Variants in SGCD observed in about 807,000 individuals in gnomAD.
The protein encoded by SGCD is sarcoglycan delta.
SGCD carries 18 observed loss-of-function variants against 36.6 expected under a neutral mutation model. The ratio of observed to expected loss-of-function variants is 0.49; its 90% CI spans 0.34 to 0.73. SGCD has a LOEUF of 0.73. Among genes scored for constraint, SGCD ranks in the 30% least tolerant of loss-of-function variants. The probability of loss-of-function intolerance (pLI) is 0.01; values close to 1 mark genes in which losing one functional copy is unlikely to be tolerated. For missense variants in SGCD, 387 were observed against 346.7 expected (o/e 1.12, Z -0.92); for synonymous variants, 133 against 130.6 (o/e 1.02, Z -0.12).
At chr5:156,581,643 C>G (rs536408614) in intron 4 of SGCD, among the ~76,000 whole-genome samples, 2 of 152,280 alleles carry the variant, frequency 1.3e-5, no homozygotes, top group South Asian at 4.1e-4. Flanking sequence ...TGCCCCACCC[C>G]CTGCCAGGCT....
intron 4 of SGCD, among the ~76,000 whole-genome samples, chr5:156,513,775 G>A (rs1257644187): frequency 6.6e-6 from 1 of 152,194 alleles, no homozygotes; most frequent in Non-Finnish European, 1.5e-5. Flanking sequence ...ATAAATTAAT[G>A]AGAAATGTTC....
At chr5:155,898,848 G>A (rs1007734369) in intron 1 of SGCD, among the ~76,000 whole-genome samples, 7 of 152,172 alleles carry the variant, frequency 4.6e-5, no homozygotes, top group African/African-American at 1.7e-4. Flanking sequence ...TATTAGAGAG[G>A]AAAGTGACTC....
intron 4 of SGCD, among the ~76,000 whole-genome samples, chr5:156,565,629 G>C (rs574517217): frequency 1.8e-4 from 28 of 152,168 alleles, no homozygotes; most frequent in African/African-American, 6.7e-4. Context: ...TACGTGCCAT[G>C]GTGGTTTGCT....
intron 3 of SGCD, among the ~76,000 whole-genome samples, chr5:156,309,597 G>C (rs993153672): frequency 1.5e-5 from 2 of 129,236 alleles, no homozygotes; most frequent in Admixed American, 1.8e-4. Flanking sequence ...TTAGATCTTT[G>C]AGCATTTTTT....
intron 3 of SGCD, among the ~76,000 whole-genome samples, chr5:156,269,927 C>T (rs55964605): frequency 1.3e-5 from 2 of 152,208 alleles, no homozygotes; most frequent in African/African-American, 4.8e-5. Flanking sequence ...CTTTTAGCAT[C>T]TTCATCACGA....
intron 3 of SGCD, among the ~76,000 whole-genome samples, chr5:156,282,078 ATG>A (rs1308642179): frequency 6.6e-6 from 1 of 152,110 alleles, no homozygotes; most frequent in Non-Finnish European, 1.5e-5. Context: ...TACATCTGAA[ATG>A]TTAAGTCTTG....
the SGCD span, among the ~76,000 whole-genome samples, chr5:155,856,275 A>G: frequency 0.044 from 6,765 of 152,286 alleles, 323 homozygotes; most frequent in African/African-American, 0.12. Flanking sequence ...ACAAGAGATA[A>G]AATACAGTAA....
At chr5:155,818,942 A>AT in the SGCD span, among the ~76,000 whole-genome samples, 2 of 151,532 alleles carry the variant, frequency 1.3e-5, no homozygotes, top group Non-Finnish European at 2.9e-5. Flanking sequence ...ATCCTTACAC[A>AT]TTTTTTTTCA....
intron 1 of SGCD, among the ~76,000 whole-genome samples, chr5:155,913,010 C>T (rs552067157): frequency 2.9e-4 from 44 of 152,122 alleles, no homozygotes; most frequent in African/African-American, 9.6e-4. Flanking sequence ...TGGATTTTTC[C>T]GAACTTTTGC....
At chr5:156,725,593 T>C (rs567625949) in intron 7 of SGCD, among the ~76,000 whole-genome samples, 2 of 152,274 alleles carry the variant, frequency 1.3e-5, no homozygotes, top group East Asian at 3.9e-4. Flanking sequence ...TCCTTGCTTT[T>C]GCTGGTGATA....
intron 1 of SGCD, among the ~76,000 whole-genome samples, chr5:156,041,416 C>T (rs969128938): frequency 6.6e-6 from 1 of 152,124 alleles, no homozygotes; most frequent in African/African-American, 2.4e-5. Context: ...TCCGATACTT[C>T]CGAAAGGCAG....
the SGCD span, among the ~76,000 whole-genome samples, chr5:155,815,675 G>A: frequency 0.044 from 6,694 of 152,230 alleles, 456 homozygotes; most frequent in African/African-American, 0.15. Context: ...TTAGGAGGAA[G>A]AGAGAGCAGG....
intron 1 of SGCD, among the ~76,000 whole-genome samples, chr5:155,891,844 C>G (rs1453053251): frequency 6.6e-6 from 1 of 151,996 alleles, no homozygotes; most frequent in African/African-American, 2.4e-5. Flanking sequence ...AACATGGTTT[C>G]CTTAGCTTCT....
the SGCD span, among the ~76,000 whole-genome samples, chr5:155,738,735 AGT>A: frequency 2.7e-3 from 397 of 147,268 alleles, 3 homozygotes; most frequent in East Asian, 0.012. Context: ...TGTGTGAGAG[AGT>A]GTGTGCATGT....
intron 3 of SGCD, among the ~76,000 whole-genome samples, chr5:156,302,286 T>C (rs902874622): frequency 6.6e-6 from 1 of 152,034 alleles, no homozygotes; most frequent in African/African-American, 2.4e-5. Flanking sequence ...CTTGATCAGT[T>C]CTGTTGTTGA....
intron 4 of SGCD, among the ~76,000 whole-genome samples, chr5:156,520,662 C>A (rs772957711): frequency 2.0e-4 from 30 of 152,268 alleles, no homozygotes; most frequent in Middle Eastern, 3.4e-3. Context: ...CTCACCAAAA[C>A]AGCATTGTAC....
intron 1 of SGCD, among the ~76,000 whole-genome samples, chr5:156,094,766 G>A (rs1321006209): frequency 6.6e-6 from 1 of 152,130 alleles, no homozygotes; most frequent in Non-Finnish European, 1.5e-5. Flanking sequence ...ACTTTGGGAG[G>A]CCGAGGCGGG....
intron 7 of SGCD, among the ~76,000 whole-genome samples, chr5:156,743,697 G>A (rs972951908): frequency 1.4e-4 from 22 of 152,172 alleles, no homozygotes; most frequent in African/African-American, 5.3e-4. Flanking sequence ...GAGAGAAATA[G>A]TCTTCAAATG....
chr5:155,915,845 T>C (rs1312592628), intron 1 of SGCD, among the ~76,000 whole-genome samples: 2 of 152,184 alleles, frequency 1.3e-5, no homozygotes, highest in Non-Finnish European at 2.9e-5. Flanking sequence ...CACTTCCAAA[T>C]GTAGGCTTGG....
Sources: gnomAD v4.1 joint callset for allele counts (sites outside exome capture counted in the v4.1 genomes callset) on GRCh38, gnomAD v4.1.1 for gene constraint, MANE v1.5 for transcripts, NCBI Gene and HGNC (gene_info 2026-07-23, HGNC 2026-07-21) for gene names.